The following SLC7A8 variants were observed in gnomAD, a reference collection of about 807,000 sequenced individuals.
SLC7A8 encodes the protein solute carrier family 7 member 8, also known as large neutral amino acids transporter small subunit 2.
Under a neutral mutation model 51.2 loss-of-function variants are expected in SLC7A8, and 30 were observed. The ratio of observed to expected loss-of-function variants is 0.59; its 90% CI spans 0.44 to 0.80. The LOEUF (loss-of-function observed/expected upper bound fraction) is 0.80. SLC7A8 is among the 30% of genes least tolerant of loss of function. SLC7A8 has a pLI of 0.00. For synonymous variants in SLC7A8, 257 were observed against 275.8 expected, an observed-to-expected ratio of 0.93 and a Z score of 0.67; for missense variants, 612 against 674.4, an observed-to-expected ratio of 0.91 and a Z score of 1.03.
intron 3 of SLC7A8, 23 bp from the exon 4 acceptor site, chr14:23,143,227 A>G (rs1182783116): frequency 6.2e-7 from 1 of 1,613,330 alleles, no homozygotes; most frequent in African/African-American, 1.3e-5. Flanking sequence ...ACCCCCAAAC[A>G]GACCTTCAGG....
In SLC7A8 at chr14:23,127,061, T is replaced by C; in HGVS notation, c.*116A>G. 1 of 1,321,440 alleles carries C rather than the reference T, an allele frequency of 7.6e-7. No homozygotes were observed. Among genetic ancestry groups the C allele is most frequent in the Non-Finnish European group, 1.1e-6 (1 of 943,258 alleles). 81.9% of individuals were successfully genotyped at this position (1,321,440 alleles called of 1,614,324 possible). A position where few individuals can be genotyped will look rare whatever the true frequency, so the allele number is the denominator to read the frequency against. ...ACCACCCACACCAAAGTCCTACCACTGCCTGACAAAAGCAGAGAGAGGGGT... is the reference window on the plus strand; with the variant it reads ...ACCACCCACACCAAAGTCCTACCACCGCCTGACAAAAGCAGAGAGAGGGGT... On this transcript the variant is annotated 3_prime_UTR_variant, in exon 11 of 11. Coordinates refer to ENST00000316902, the MANE Select transcript of SLC7A8 (RefSeq NM_012244.4).
intron 3 of SLC7A8, among the ~76,000 whole-genome samples, chr14:23,153,401 A>G (rs1247751763): frequency 6.6e-6 from 1 of 152,112 alleles, no homozygotes; most frequent in Non-Finnish European, 1.5e-5. Context: ...CATTATACAC[A>G]GATCACTCTG....
chr14:23,133,280 A>T (rs959844964), intron 7 of SLC7A8, among the ~76,000 whole-genome samples: 5 of 152,140 alleles, frequency 3.3e-5, no homozygotes, highest in African/African-American at 1.2e-4. Flanking sequence ...TCTACAAAAA[A>T]TAAAAATAAA....
chr14:23,155,540 C>G, intron 3 of SLC7A8: 2 of 1,253,226 alleles, frequency 1.6e-6, no homozygotes, highest in Non-Finnish European at 2.0e-6. Flanking sequence ...TCAGCATGAG[C>G]TAAACATGGC....
intron 10 of SLC7A8, among the ~76,000 whole-genome samples, chr14:23,127,657 T>C (rs1428413889): frequency 6.6e-6 from 1 of 152,200 alleles, no homozygotes; most frequent in Non-Finnish European, 1.5e-5. Context: ...TTTTAAAATT[T>C]TTAATAACAG....
chr14:23,140,611 C>A lies in SLC7A8; in HGVS notation c.648G>T (p.Trp216Cys). The stretch of plus-strand genomic sequence containing the variant: ...TCTCAAATGCATTCTTTGGCTCCAG[C>A]CAGAAGTACTCTCCTGTGGACACAA... Reference protein sequence around the residue: ...IVQICKGEYFWLEPKNAFENF... With the variant: ...IVQICKGEYFCLEPKNAFENF... Residue 216 changes from tryptophan to cysteine, a missense_variant, in exon 5 of 11, where the codon TGG (tryptophan) becomes TGT (cysteine). By Grantham distance (215) the Trp-to-Cys change is radical. Coordinates refer to ENST00000316902, the MANE Select transcript of SLC7A8 (RefSeq NM_012244.4). The A allele has an allele frequency of 6.2e-7, 1 of 1,613,856 alleles. No homozygotes were observed. Among genetic ancestry groups the A allele is most frequent in the South Asian group, 1.1e-5 (1 of 91,060 alleles).
Position 23,165,286 on chromosome 14 carries a change from T to A in SLC7A8, c.507A>T (p.Leu169Phe), listed in dbSNP as rs760363667. The part of the protein sequence containing the change: ...SGLRLLAAIC[L>F]LLLTWVNCSS... Reference sequence around the variant, plus strand: ...TACCAAGACCCAGATGACACTTACATAAGCAGATGGCAGCCAGGAGCCGAA... The same window carrying A: ...TACCAAGACCCAGATGACACTTACAAAAGCAGATGGCAGCCAGGAGCCGAA... Residue 169 changes from leucine (L) to phenylalanine (F), a missense_variant and splice_region_variant, in exon 3 of 11, where the codon TTA (leucine) becomes TTT (phenylalanine). Coordinates refer to ENST00000316902, the MANE Select transcript of SLC7A8 (RefSeq NM_012244.4). The surrounding 1 kb of genome is among the most constrained non-coding windows in gnomAD (Gnocchi z 4.2). 2 of 1,609,458 alleles carry A rather than the reference T, an allele frequency of 1.2e-6. No homozygotes were observed. Among genetic ancestry groups the A allele is most frequent in the Non-Finnish European group, 1.7e-6 (2 of 1,178,166 alleles).
In SLC7A8 at chr14:23,126,991, G is replaced by C; in HGVS notation, c.*186C>G. The C allele has an allele frequency of 4.4e-6, 3 of 688,748 alleles. No homozygotes were observed. The highest frequency in any genetic ancestry group is 7.3e-6 in the Non-Finnish European group (3 of 410,540). 42.7% of individuals were successfully genotyped at this position (688,748 alleles called of 1,614,324 possible). A position where few individuals can be genotyped will look rare whatever the true frequency, so the allele number is the denominator to read the frequency against. Reference sequence around the variant, plus strand: ...TGGGACATGGACCCTGGGGTGAGAGGCTGGTTCTTTGGGTATGAATGTCAG... The same window carrying C: ...TGGGACATGGACCCTGGGGTGAGAGCCTGGTTCTTTGGGTATGAATGTCAG... On this transcript the variant is annotated 3_prime_UTR_variant, in exon 11 of 11. Coordinates refer to ENST00000316902, the MANE Select transcript of SLC7A8 (RefSeq NM_012244.4).
intron 3 of SLC7A8, among the ~76,000 whole-genome samples, chr14:23,161,859 G>A (rs889576122): frequency 7.4e-5 from 11 of 149,032 alleles, no homozygotes; most frequent in Non-Finnish European, 1.5e-4. Flanking sequence ...CCCGGGAGGC[G>A]GAGGTTGCAG....
At chr14:23,155,375 T>TTCCTGGCTCTCTCTTCCCCTTCCTTCTTA in intron 3 of SLC7A8, 2 of 1,496,636 alleles carry the variant, frequency 1.3e-6, no homozygotes, top group Non-Finnish European at 1.8e-6. Context: ...CCCTCCTCCC[T>TTCCTGGCTCTCTCTTCCCCTTCCTTCTTA]TCCTGGCTCT....
rs772643832 is a variant in SLC7A8 at position 23,127,274 on chromosome 14, G to A, written c.1511C>T (p.Thr504Ile). The change falls in exon 11 of 11, where the codon ACA (threonine) becomes ATA (isoleucine). Residue 504 changes from threonine to isoleucine, a missense_variant. Physicochemically the swap from Thr to Ile is moderately conservative, Grantham distance 89 (BLOSUM62 -1). Transcript: ENST00000316902. ...VYPEVERGSG[T>I]EEANEDMEEQ... ...CTCCATGTCCTCATTAGCCTCCTCT[G>A]TCCCTGAGCCCCGCTCCACCTCGGG... 8 of 1,613,970 alleles carry A rather than the reference G, an allele frequency of 5.0e-6. No homozygotes were observed. The African/African-American group carries it at 8.0e-5, about 16-fold the overall frequency.
chr14:23,150,137 A>G (rs890654569), intron 3 of SLC7A8, among the ~76,000 whole-genome samples: 1 of 152,228 alleles, frequency 6.6e-6, no homozygotes, highest in African/African-American at 2.4e-5. Context: ...GAAATAGAAC[A>G]CCAATGAATC....
chr14:23,170,063 A>G (rs536160551), intron 1 of SLC7A8, among the ~76,000 whole-genome samples: 1 of 152,230 alleles, frequency 6.6e-6, no homozygotes, highest in South Asian at 2.1e-4. Context: ...GTGGGGATTT[A>G]TAAAACATTG....
intron 7 of SLC7A8, among the ~76,000 whole-genome samples, chr14:23,135,570 C>T (rs1212840995): frequency 1.3e-5 from 2 of 151,762 alleles, no homozygotes; most frequent in African/African-American, 4.8e-5. Flanking sequence ...GGCGTGGTGG[C>T]AGGCGCCTGT....
rs530378800 is a variant in SLC7A8 at position 23,132,761 on chromosome 14, G to A, written c.1017-1204C>T. 2.1e-4 allele frequency among the ~76,000 whole-genome samples: 32 copies of A among 151,650 alleles called. No homozygotes were observed. In the East Asian group the frequency reaches 5.3e-3, roughly 25 times the overall value. ...AGCGATTCTTCTGCCTCAGCCTCCC[G>A]AGTAGCTGGGATTACAGGCATGCGC... On this transcript the variant is annotated intron_variant, in intron 7 of 10. Coordinates refer to ENST00000316902, the MANE Select transcript of SLC7A8 (RefSeq NM_012244.4).
At chr14:23,158,669 G>A (rs916663743) in intron 3 of SLC7A8, among the ~76,000 whole-genome samples, 2 of 152,190 alleles carry the variant, frequency 1.3e-5, no homozygotes, top group Non-Finnish European at 2.9e-5. Context: ...CTAACTGCTT[G>A]TCATCAATGC....
At chr14:23,154,181 G>T in intron 3 of SLC7A8, 1 of 923,842 alleles carries the variant, frequency 1.1e-6, no homozygotes. Flanking sequence ...TTTCTGGATG[G>T]AGCTCCCCAG....
intron 7 of SLC7A8, among the ~76,000 whole-genome samples, chr14:23,136,945 A>G (rs1265809445): frequency 6.6e-6 from 1 of 152,142 alleles, no homozygotes; most frequent in Non-Finnish European, 1.5e-5. Context: ...ACCTCTTTCC[A>G]GCCCTGGGTC....
At chr14:23,164,895 G>A (rs1221167973) in intron 3 of SLC7A8, among the ~76,000 whole-genome samples, 3 of 152,142 alleles carry the variant, frequency 2.0e-5, no homozygotes, top group Non-Finnish European at 4.4e-5. Context: ...GGGAGTCTGA[G>A]GTGGGAGAAT....
Sources: gnomAD v4.1 joint callset for allele counts (sites outside exome capture counted in the v4.1 genomes callset) on GRCh38, gnomAD v4.1.1 for gene constraint, Gnocchi (gnomAD v3.1) non-coding constraint, MANE v1.5 for transcripts, NCBI Gene and HGNC (gene_info 2026-07-23, HGNC 2026-07-21) for gene names.